Variants in DCAF12 observed in about 807,000 individuals in gnomAD.
DCAF12 encodes DDB1 and CUL4 associated factor 12, also known as DDB1- and CUL4-associated factor 12.
A neutral mutation model predicts 52.8 loss-of-function variants in DCAF12; 28 were observed. The observed-to-expected ratio is 0.53, with a 90% CI of 0.39 to 0.73. DCAF12 has a LOEUF of 0.73. Among genes scored for constraint, DCAF12 ranks in the 30% least tolerant of loss-of-function variants. The pLI, the probability that DCAF12 is intolerant of heterozygous loss-of-function variation, is 0.00. For missense variants in DCAF12, 425 were observed against 552.2 expected, an observed-to-expected ratio of 0.77 and a Z score of 2.31; for synonymous variants, 196 against 215.5, an observed-to-expected ratio of 0.91 and a Z score of 0.79.
chr9:34,096,599 G>A lies in DCAF12; in HGVS notation c.861+117C>T, dbSNP rs7857551. On this transcript the variant is annotated intron_variant, in intron 6 of 8. Coordinates refer to ENST00000361264, the MANE Select transcript of DCAF12 (RefSeq NM_015397.4). ...AGCCTGGGCATCAGAGCGAGACTCT[G>A]CCTCAAAAATAAATGAATAGATAAA... 0.72 allele frequency: 688,201 copies of A among 950,860 alleles called. 254,487 individuals carry two copies. The highest frequency in any genetic ancestry group is 0.76 in the Non-Finnish European group (491,308 of 643,310). The allele number at this position is 950,860 out of a possible 1,614,324, so 58.9% of individuals were successfully genotyped here. A position where few individuals can be genotyped will look rare whatever the true frequency, so the allele number is the denominator to read the frequency against.
chr9:34,122,887 G>C (rs1829196379), intron 2 of DCAF12, among the ~76,000 whole-genome samples: 1 of 152,172 alleles, frequency 6.6e-6, no homozygotes. Context: ...TTACTGTCTT[G>C]CGCCTAGCAA....
intron 2 of DCAF12, among the ~76,000 whole-genome samples, chr9:34,112,251 T>C (rs372464486): frequency 6.6e-6 from 1 of 152,158 alleles, no homozygotes; most frequent in African/African-American, 2.4e-5. Flanking sequence ...TTCTTGGGGT[T>C]TGTGAACTCG....
chr9:34,103,223 A>G (rs887840225), intron 4 of DCAF12, among the ~76,000 whole-genome samples: 1 of 151,092 alleles, frequency 6.6e-6, no homozygotes, highest in Non-Finnish European at 1.5e-5. Flanking sequence ...CAACCTGGCC[A>G]ACATGTTGTA....
chr9:34,088,947 TA>T (rs200796007), intron 8 of DCAF12, among the ~76,000 whole-genome samples: 2 of 149,736 alleles, frequency 1.3e-5, no homozygotes, highest in African/African-American at 2.5e-5. Flanking sequence ...CCATCTCTAC[TA>T]AAAAAAAATA....
chr9:34,113,028 T>C (rs1587739217), intron 2 of DCAF12, among the ~76,000 whole-genome samples: 1 of 152,224 alleles, frequency 6.6e-6, no homozygotes, highest in East Asian at 1.9e-4. Flanking sequence ...ATGTAGCTTT[T>C]AGACCAGGGA....
At chr9:34,107,817 G>C (rs1421965537) in intron 2 of DCAF12, among the ~76,000 whole-genome samples, 1 of 152,082 alleles carries the variant, frequency 6.6e-6, no homozygotes, top group Non-Finnish European at 1.5e-5. Context: ...GTTCTGCCTG[G>C]GATTCAGAGA....
intron 2 of DCAF12, among the ~76,000 whole-genome samples, chr9:34,122,954 G>A (rs1261640050): frequency 1.3e-5 from 2 of 152,192 alleles, no homozygotes; most frequent in Non-Finnish European, 2.9e-5. Context: ...ATTTGCGTAA[G>A]TCTAAACCAT....
intron 2 of DCAF12, among the ~76,000 whole-genome samples, chr9:34,108,800 A>AAAAAAAAAT (rs1376332913): frequency 2.3e-4 from 30 of 128,374 alleles, no homozygotes; most frequent in Non-Finnish European, 4.7e-4. Context: ...TCTCAAAAAA[A>AAAAAAAAAT]ATAAATAAAT....
chr9:34,089,652 G>A (rs1305445657), intron 7 of DCAF12, 62 bp from the exon 8 acceptor site: 12 of 1,491,854 alleles, frequency 8.0e-6, no homozygotes, highest in Non-Finnish European at 1.1e-5. Flanking sequence ...CTGTCTGCTA[G>A]CCTGAATTTC....
intron 6 of DCAF12, 22 bp downstream of exon 6, chr9:34,096,694 C>CTAATGAATAAAA: frequency 6.2e-7 from 1 of 1,608,546 alleles, no homozygotes; most frequent in Non-Finnish European, 8.5e-7. Flanking sequence ...TAGGTAAAAC[C>CTAATGAATAAAA]ACAAAATCAT....
chr9:34,093,663 T>C (rs566259921), intron 6 of DCAF12: 22 of 495,806 alleles, frequency 4.4e-5, no homozygotes, highest in African/African-American at 1.7e-4. Context: ...CTGAAGGAGA[T>C]AGGTTGGGGA....
rs745777273 is a variant in DCAF12, at chr9:34,125,262, A to C, written c.94T>G (p.Ser32Ala). The C allele has an allele frequency of 6.2e-7, 1 of 1,614,096 alleles. No homozygotes were observed. The highest frequency in any genetic ancestry group is 8.5e-7 in the Non-Finnish European group (1 of 1,180,010). The change falls in exon 2 of 9, where the codon TCG becomes GCG. Residue 32 changes from serine (S) to alanine (A), a missense_variant. This residue lies in a region of DCAF12 where 89 missense variants were observed against 84.9 expected (regional missense o/e 1.05). Coordinates refer to ENST00000361264, the MANE Select transcript of DCAF12 (RefSeq NM_015397.4). ...GGAAGTCTTTTCCTTTTGTGAAGCG[A>C]GTGATCCCAGCCAAACTGTGGAAAC... ...AQGPQFGWDH[S>A]LHKRKRLPPV...
At chr9:34,111,231 G>T (rs769315422) in intron 2 of DCAF12, among the ~76,000 whole-genome samples, 1 of 152,096 alleles carries the variant, frequency 6.6e-6, no homozygotes, top group Non-Finnish European at 1.5e-5. Flanking sequence ...TGATCCACCT[G>T]CCTCAGCCTC....
chr9:34,095,942 TA>T (rs1186456098), intron 6 of DCAF12: 2 of 152,066 alleles, frequency 1.3e-5, no homozygotes, highest in Admixed American at 6.6e-5. Context: ...GCTTATGCAA[TA>T]GGAAAGAATC....
Position 34,093,386 on chromosome 9 carries a change from C to T in DCAF12, c.924G>A (p.Trp308Ter). 6.2e-7 allele frequency: 1 copy of T among 1,614,188 alleles called. No homozygotes were observed. The highest frequency in any genetic ancestry group is 8.5e-7 in the Non-Finnish European group (1 of 1,180,036). ...ENVCLAYGSE[W>*]SVYAVGSQAH... is the part of the protein sequence containing the mutation. ...CTTGGGAGCCCACTGCATAAACTGACCATTCACTACCATAAGCCAGACACA... is the reference window on the plus strand; with the variant it reads ...CTTGGGAGCCCACTGCATAAACTGATCATTCACTACCATAAGCCAGACACA... The change falls in exon 7 of 9, where the codon TGG (tryptophan) becomes TGA (stop). Residue 308 changes from tryptophan (W) to a stop codon, truncating the protein, a stop_gained. Coordinates refer to ENST00000361264, the MANE Select transcript of DCAF12 (RefSeq NM_015397.4). LOFTEE classifies it high-confidence loss of function.
At chr9:34,111,778 G>C (rs1295797692) in intron 2 of DCAF12, among the ~76,000 whole-genome samples, 1 of 152,186 alleles carries the variant, frequency 6.6e-6, no homozygotes, top group Non-Finnish European at 1.5e-5. Flanking sequence ...GGTGGCACTA[G>C]ACCAAACCGC....
At chr9:34,101,700 T>A (rs1369264488) in intron 4 of DCAF12, among the ~76,000 whole-genome samples, 2 of 151,956 alleles carry the variant, frequency 1.3e-5, no homozygotes, top group Non-Finnish European at 2.9e-5. Flanking sequence ...CCCACAATCC[T>A]TCTATTAAGA....
At chr9:34,115,147 G>A (rs562120524) in intron 2 of DCAF12, among the ~76,000 whole-genome samples, 1 of 152,206 alleles carries the variant, frequency 6.6e-6, no homozygotes, top group South Asian at 2.1e-4. Context: ...ACCTAAGTCT[G>A]TGGAGAGGTT....
At position 34,126,517 on chromosome 9, in the gene DCAF12, G is replaced by A. The variant is rs1427660281; in HGVS notation, c.-86C>T. 2.1e-6 allele frequency: 3 copies of A among 1,457,930 alleles called. No homozygotes were observed. Among genetic ancestry groups the A allele is most frequent in the African/African-American group, 1.4e-5 (1 of 70,184 alleles). The allele number at this position is 1,457,930 out of a possible 1,614,324, so 90.3% of individuals were successfully genotyped here. A position where few individuals can be genotyped will look rare whatever the true frequency, so the allele number is the denominator to read the frequency against. ...GACGGCGGGTCATATACTGGGCCCC[G>A]GGGCCGCGCACCTTAGTGCGCCCGG... On this transcript the variant is annotated 5_prime_UTR_variant, in exon 1 of 9. Coordinates refer to ENST00000361264, the MANE Select transcript of DCAF12 (RefSeq NM_015397.4).
Sources: allele counts gnomAD v4.1 joint callset (sites outside exome capture counted in the v4.1 genomes callset), GRCh38; gene constraint gnomAD v4.1.1; regional missense constraint gnomAD v4.1.1; transcripts MANE v1.5; gene names NCBI Gene and HGNC (gene_info 2026-07-23, HGNC 2026-07-21).